SLC4A8: variants seen among roughly 807,000 people sequenced by gnomAD.
SLC4A8 encodes electroneutral sodium bicarbonate exchanger 1.
Under a neutral mutation model 125.0 loss-of-function variants are expected in SLC4A8, and 40 were observed. The observed-to-expected ratio is 0.32, with a 90% confidence interval of 0.25 to 0.42. SLC4A8 has a LOEUF of 0.42. Among genes scored for constraint, SLC4A8 ranks in the 10% least tolerant of loss-of-function variants. The pLI, the probability that SLC4A8 is intolerant of heterozygous loss-of-function variation, is 1.00. For synonymous variants in SLC4A8, 456 were observed against 476.0 expected, an observed-to-expected ratio of 0.96 and a Z score of 0.55; for missense variants, 863 against 1,355.1, an observed-to-expected ratio of 0.64 and a Z score of 5.70.
chr12:51,489,930 C>T lies in SLC4A8; in HGVS notation c.2679C>T (p.Val893=). 6.2e-7 allele frequency: 1 copy of T among 1,614,162 alleles called. No homozygotes were observed. The highest frequency in any genetic ancestry group is 8.5e-7 in the Non-Finnish European group (1 of 1,180,032). The part of the protein sequence containing the change: ...LMIFVLMGCS[V]FMTAILKFIP... ...TCTTTGTGCTGATGGGCTGCTCAGT[C>T]TTCATGACGGCTATCTTAAAGGTAA... Residue 893 remains valine, a synonymous_variant, in exon 19 of 25, where the codon GTC becomes GTT. Coordinates refer to ENST00000453097, the MANE Select transcript of SLC4A8 (RefSeq NM_001039960.3).
intron 1 of SLC4A8, among the ~76,000 whole-genome samples, chr12:51,418,730 A>C (rs913141165): frequency 5.9e-5 from 9 of 152,206 alleles, no homozygotes; most frequent in African/African-American, 2.2e-4. Context: ...CCCAGTCCTA[A>C]TGTCTGACTG....
At chr12:51,392,922 T>C (rs553140068) in intron 1 of SLC4A8, 2 of 152,352 alleles carry the variant, frequency 1.3e-5, no homozygotes, top group East Asian at 3.8e-4. Flanking sequence ...CTTTCTATGG[T>C]AGAAACTTCT....
chr12:51,496,805 A>T (rs1951471402), intron 21 of SLC4A8, among the ~76,000 whole-genome samples, 182 bp from the exon 22 acceptor site: 1 of 152,214 alleles, frequency 6.6e-6, no homozygotes, highest in Non-Finnish European at 1.5e-5. Context: ...TAGTTAAAAT[A>T]CTGTATGTAA....
intron 13 of SLC4A8, among the ~76,000 whole-genome samples, chr12:51,470,879 G>T (rs199777866): frequency 2.0e-5 from 3 of 150,612 alleles, no homozygotes; most frequent in East Asian, 2.0e-4. Context: ...GTTTTGTTTT[G>T]TTTTTTTGCT....
chr12:51,471,523 G>A lies in SLC4A8; in HGVS notation c.1895G>A (p.Ser632Asn). The change falls in exon 14 of 25, where the codon AGC (serine) becomes AAC (asparagine). Residue 632 changes from serine to asparagine, a missense_variant. Around this residue, in one of 6 missense-constraint regions of SLC4A8, gnomAD observed 76 missense variants for 80.2 expected, o/e 0.95. Coordinates refer to ENST00000453097, the MANE Select transcript of SLC4A8 (RefSeq NM_001039960.3). ...ATGCACAGCCAGCTGGACCACCTTA[G>A]CCTCTATTAGTAAGTGTGCTTTCTG... is the stretch of plus-strand genomic sequence containing the variant. ...IHMHSQLDHL[S>N]LYYCRCTLPE... is the part of the protein sequence containing the mutation. 3 of 1,613,594 alleles carry A rather than the reference G, an allele frequency of 1.9e-6. No homozygotes were observed. The South Asian group carries it at 3.3e-5, about 18-fold the overall frequency.
Position 51,475,118 on chromosome 12 carries a change from TC to T in SLC4A8, c.2085del (p.Trp697GlyfsTer16). The T allele has an allele frequency of 6.2e-7, 1 of 1,613,990 alleles. No homozygotes were observed. The highest frequency in any genetic ancestry group is 8.5e-7 in the Non-Finnish European group (1 of 1,179,816). On this transcript the variant is annotated frameshift_variant, in exon 16 of 25. Coordinates refer to ENST00000453097, the MANE Select transcript of SLC4A8 (RefSeq NM_001039960.3). LOFTEE classifies it high-confidence loss of function. ...GHHGPYTPDV[L>X]FWSCILFFTT... is the part of the protein sequence containing the mutation. The stretch of plus-strand genomic sequence containing the variant: ...CATGGACCCTACACTCCTGATGTCC[TC>T]TTTTGGTCCTGTATTCTCTTTTTCA...
chr12:51,403,896 C>G (rs1948441926), intron 1 of SLC4A8, among the ~76,000 whole-genome samples: 1 of 152,232 alleles, frequency 6.6e-6, no homozygotes, highest in South Asian at 2.1e-4. Flanking sequence ...AGATGCAAAG[C>G]TATACATTAG....
chr12:51,494,777 C>T (rs1951418561), intron 20 of SLC4A8, 168 bp from the exon 21 acceptor site: 5 of 528,326 alleles, frequency 9.5e-6, no homozygotes, highest in Non-Finnish European at 1.7e-5. Flanking sequence ...CACTTAATAA[C>T]CTTGGCCAAA....
chr12:51,480,419 G>A, intron 16 of SLC4A8: 1 of 1,117,710 alleles, frequency 8.9e-7, no homozygotes, highest in South Asian at 1.9e-5. Context: ...TGAGTGAAAA[G>A]TGGAATAATA....
At chr12:51,451,165 C>CAAGAGT in intron 3 of SLC4A8, 143 bp downstream of exon 3, 1 of 794,766 alleles carries the variant, frequency 1.3e-6, no homozygotes, top group South Asian at 3.4e-5. Context: ...AGAAGAAATG[C>CAAGAGT]CTCTAAGAGT....
intron 1 of SLC4A8, among the ~76,000 whole-genome samples, chr12:51,426,931 T>C (rs1949004544): frequency 6.6e-6 from 1 of 150,730 alleles, no homozygotes; most frequent in Non-Finnish European, 1.5e-5. Flanking sequence ...TTTTCTTTTT[T>C]TTTTCTTTTC....
chr12:51,452,053 G>T, intron 3 of SLC4A8, 71 bp from the exon 4 acceptor site: 1 of 1,462,220 alleles, frequency 6.8e-7, no homozygotes. Context: ...AAGTTGTTAG[G>T]TAAGGAAGAA....
At chr12:51,487,758 C>A (rs1243358094) in intron 17 of SLC4A8, among the ~76,000 whole-genome samples, 1 of 152,210 alleles carries the variant, frequency 6.6e-6, no homozygotes, top group Non-Finnish European at 1.5e-5. Flanking sequence ...GTCTTAGGCT[C>A]CTTCTCAAGT....
At position 51,457,376 on chromosome 12, in the gene SLC4A8, G is replaced by A. The variant is rs1270293823; in HGVS notation, c.600G>A (p.Leu200=). The change falls in exon 6 of 25, where the codon CTG becomes CTA. Residue 200 remains leucine (L), a synonymous_variant. Transcript: ENST00000453097. ...ISDLILDQQE[L]SSDLNDSMRV... is the part of the protein sequence containing the mutation. ...ACCTGATCCTGGATCAGCAAGAACTGTCCAGTGACCTGAATGACAGCATGA... is the reference window on the plus strand; with the variant it reads ...ACCTGATCCTGGATCAGCAAGAACTATCCAGTGACCTGAATGACAGCATGA... 1 of 1,613,832 alleles carries A rather than the reference G, an allele frequency of 6.2e-7. No individual in the cohort carries two copies. Among genetic ancestry groups the A allele is most frequent in the South Asian group, 1.1e-5 (1 of 91,062 alleles).
chr12:51,398,218 T>C (rs1376914224), intron 1 of SLC4A8, among the ~76,000 whole-genome samples: 1 of 152,256 alleles, frequency 6.6e-6, no homozygotes, highest in Non-Finnish European at 1.5e-5. Flanking sequence ...AAAAGTTTTC[T>C]AGTGTTCTCT....
chr12:51,481,908 G>T (rs529145666), intron 16 of SLC4A8, among the ~76,000 whole-genome samples: 1 of 151,936 alleles, frequency 6.6e-6, no homozygotes, highest in Non-Finnish European at 1.5e-5. Context: ...GAGCTGTGAT[G>T]ATGTTACCGC....
chr12:51,483,307 A>C (rs1459963640), intron 16 of SLC4A8, among the ~76,000 whole-genome samples: 1 of 151,576 alleles, frequency 6.6e-6, no homozygotes, highest in African/African-American at 2.4e-5. Context: ...AGAGAGATAG[A>C]TGAGTTATTG....
At chr12:51,418,789 G>A (rs929667559) in intron 1 of SLC4A8, among the ~76,000 whole-genome samples, 1 of 152,090 alleles carries the variant, frequency 6.6e-6, no homozygotes, top group Non-Finnish European at 1.5e-5. Context: ...AAGGCCTCAG[G>A]GGAAATATCA....
intron 14 of SLC4A8, among the ~76,000 whole-genome samples, chr12:51,472,123 T>A (rs1157484465): frequency 2.6e-5 from 4 of 152,236 alleles, no homozygotes; most frequent in Non-Finnish European, 5.9e-5. Flanking sequence ...TTTGGATCAC[T>A]TGGAAAAGAA....
Sources: gnomAD v4.1 joint callset for allele counts (sites outside exome capture counted in the v4.1 genomes callset) on GRCh38, gnomAD v4.1.1 for gene constraint, gnomAD v4.1.1 regional missense constraint, MANE v1.5 for transcripts, NCBI Gene and HGNC (gene_info 2026-07-23, HGNC 2026-07-21) for gene names.